The following ITPR2 variants were observed in gnomAD, a reference collection of about 807,000 sequenced individuals.
The protein encoded by ITPR2 is inositol 1,4,5-trisphosphate receptor type 2, also known as inositol 1,4,5-trisphosphate-gated calcium channel ITPR2.
In ITPR2, 207 loss-of-function variants were observed where a neutral mutation model predicts 317.1. The observed-to-expected ratio is 0.65, with a 90% CI of 0.58 to 0.73. ITPR2 has a LOEUF of 0.73. Ranked by LOEUF, ITPR2 falls within the 30% of genes least tolerant of loss-of-function variation. The probability of loss-of-function intolerance (pLI) is 0.00; values close to 1 mark genes in which losing one functional copy is unlikely to be tolerated. For synonymous variants in ITPR2, 1,156 were observed against 1,149.1 expected, an observed-to-expected ratio of 1.01 and a Z score of -0.12; for missense variants, 2,613 against 3,284.0, an observed-to-expected ratio of 0.80 and a Z score of 4.99.
chr12:26,512,452 A>T (rs1405135957), intron 37 of ITPR2, among the ~76,000 whole-genome samples: 1 of 152,204 alleles, frequency 6.6e-6, no homozygotes, highest in Non-Finnish European at 1.5e-5. Context: ...CTAAGGCATA[A>T]GTGATTATTT....
At chr12:26,353,124 C>T (rs528092120) in intron 55 of ITPR2, among the ~76,000 whole-genome samples, 1 of 152,264 alleles carries the variant, frequency 6.6e-6, no homozygotes, top group African/African-American at 2.4e-5. Flanking sequence ...TGAAGGTCTC[C>T]TAATACAACA....
intron 51 of ITPR2, among the ~76,000 whole-genome samples, chr12:26,414,249 T>C (rs1940650674): frequency 6.6e-6 from 1 of 152,156 alleles, no homozygotes; most frequent in South Asian, 2.1e-4. Context: ...TAACTTCCAG[T>C]CCACATATAT....
chr12:26,439,391 A>T, intron 46 of ITPR2, 72 bp from the exon 47 acceptor site: 1 of 1,102,588 alleles, frequency 9.1e-7, no homozygotes, highest in Non-Finnish European at 1.3e-6. Flanking sequence ...TGTTTTTAAC[A>T]TGAGTTTACT....
At position 26,608,786 on chromosome 12, in the gene ITPR2, T is replaced by TA. The variant is rs34171335; in HGVS notation, c.3463-6081dup. ...TTGACACTAAAGTTTACTTTTAAAT[T>TA]AAAAAAAAAAAAAAAAAACACATCA... On this transcript the variant is annotated intron_variant, in intron 26 of 56. Coordinates refer to ENST00000381340, the MANE Select transcript of ITPR2 (RefSeq NM_002223.4). Among the ~76,000 whole-genome samples, 256 of 100,322 alleles carry TA rather than the reference T, an allele frequency of 2.6e-3. 1 individual carries two copies. Among genetic ancestry groups the TA allele is most frequent in the African/African-American group, 3.9e-3 (104 of 26,410 alleles). The allele number at this position is 100,322 out of a possible 152,430, so 65.8% of individuals were successfully genotyped here.
intron 48 of ITPR2, among the ~76,000 whole-genome samples, chr12:26,430,064 G>A (rs1227829606): frequency 6.6e-6 from 1 of 152,152 alleles, no homozygotes; most frequent in Admixed American, 6.5e-5. Context: ...TGATCCCTTT[G>A]TGAAAAGAAC....
intron 37 of ITPR2, among the ~76,000 whole-genome samples, chr12:26,548,090 A>C (rs1254751588): frequency 6.6e-6 from 1 of 152,206 alleles, no homozygotes; most frequent in Non-Finnish European, 1.5e-5. Context: ...CTTGGACTAA[A>C]TTTCCAGATA....
chr12:26,573,922 G>A (rs758264345), intron 34 of ITPR2, among the ~76,000 whole-genome samples: 1 of 152,182 alleles, frequency 6.6e-6, no homozygotes, highest in Non-Finnish European at 1.5e-5. Context: ...CAACTGTGCA[G>A]GCAGTGGATT....
chr12:26,415,416 G>A lies in ITPR2; in HGVS notation c.7193C>T (p.Thr2398Ile). The change falls in exon 51 of 57, where the codon ACT (threonine) becomes ATT (isoleucine). Residue 2398 changes from threonine to isoleucine, a missense_variant. Transcript: ENST00000381340. Reference protein sequence around the residue: ...VTRNGRSIILTAVLALILVYL... With the variant: ...VTRNGRSIILIAVLALILVYL... ...GACGAGGATGAGAGCCAGGACTGCAGTTAGAATAATAGAGCGGCCATTTCG... is the reference window on the plus strand; with the variant it reads ...GACGAGGATGAGAGCCAGGACTGCAATTAGAATAATAGAGCGGCCATTTCG... 6.2e-7 allele frequency: 1 copy of A among 1,612,872 alleles called. No individual in the cohort carries two copies. Among genetic ancestry groups the A allele is most frequent in the South Asian group, 1.1e-5 (1 of 90,950 alleles).
At chr12:26,670,894 T>C (rs1253600606) in intron 13 of ITPR2, among the ~76,000 whole-genome samples, 11 of 152,144 alleles carry the variant, frequency 7.2e-5, no homozygotes, top group African/African-American at 2.4e-4. Context: ...GAGAACTACC[T>C]GAAGAATGCA....
chr12:26,555,835 A>G (rs965407946), intron 36 of ITPR2, among the ~76,000 whole-genome samples: 6 of 152,238 alleles, frequency 3.9e-5, no homozygotes, highest in South Asian at 4.1e-4. Flanking sequence ...AGTTAAACAC[A>G]TATGACAATA....
intron 37 of ITPR2, among the ~76,000 whole-genome samples, chr12:26,497,134 A>G (rs1222194780): frequency 6.7e-6 from 1 of 149,478 alleles, no homozygotes; most frequent in East Asian, 2.0e-4. Context: ...ACCAAATTGA[A>G]CCATGTGATC....
chr12:26,394,079 C>A (rs1394662139), intron 54 of ITPR2, among the ~76,000 whole-genome samples: 2 of 152,186 alleles, frequency 1.3e-5, no homozygotes, highest in Non-Finnish European at 2.9e-5. Context: ...GGCAGACCCT[C>A]AGTTAAGCCT....
Position 26,595,465 on chromosome 12 carries a change from C to T in ITPR2, c.4380G>A (p.Arg1460=). 1 of 1,602,900 alleles carries T rather than the reference C, an allele frequency of 6.2e-7. No individual in the cohort carries two copies. Among genetic ancestry groups the T allele is most frequent in the Non-Finnish European group, 8.5e-7 (1 of 1,176,638 alleles). ...CTTCAGTAGTCAAAATCTAACTTACCCTTGCCATATCCACCAAGAAGTTCT... is the reference window on the plus strand; with the variant it reads ...CTTCAGTAGTCAAAATCTAACTTACTCTTGCCATATCCACCAAGAAGTTCT... ...LFENFLVDMA[R]VCNTTTDRKH... is the part of the protein sequence containing the mutation. The change falls in exon 32 of 57, where the codon AGG becomes AGA. Residue 1460 remains arginine (R), a splice_region_variant and synonymous_variant. Coordinates refer to ENST00000381340, the MANE Select transcript of ITPR2 (RefSeq NM_002223.4).
At chr12:26,358,740 C>T (rs892037113) in intron 55 of ITPR2, among the ~76,000 whole-genome samples, 1 of 152,114 alleles carries the variant, frequency 6.6e-6, no homozygotes, top group Non-Finnish European at 1.5e-5. Flanking sequence ...TTTCCTAGCC[C>T]AGGGGGCCTT....
intron 24 of ITPR2, 72 bp downstream of exon 24, chr12:26,624,227 T>C: frequency 9.8e-7 from 1 of 1,020,406 alleles, no homozygotes; most frequent in East Asian, 2.4e-5. Context: ...GTGAACAATA[T>C]CAAAGTATCA....
At chr12:26,818,817 G>A (rs1048918763) in intron 1 of ITPR2, among the ~76,000 whole-genome samples, 1 of 152,072 alleles carries the variant, frequency 6.6e-6, no homozygotes, top group Non-Finnish European at 1.5e-5. Flanking sequence ...TTATGTCCCC[G>A]ATATTAGCAA....
At chr12:26,467,806 GAGAGGTCATTTAAAT>G (rs1474252879) in intron 45 of ITPR2, among the ~76,000 whole-genome samples, 60 of 152,178 alleles carry the variant, frequency 3.9e-4, no homozygotes, top group Middle Eastern at 3.4e-3. Flanking sequence ...CCATCAATTT[GAGAGGTCATTTAAAT>G]GGCCATAACC....
At chr12:26,778,829 T>C in intron 2 of ITPR2, among the ~76,000 whole-genome samples, 1 of 152,120 alleles carries the variant, frequency 6.6e-6, no homozygotes. Flanking sequence ...ACCTTCTACC[T>C]CAGTAAAATT....
chr12:26,385,816 C>T (rs1419087988), intron 55 of ITPR2, among the ~76,000 whole-genome samples: 1 of 151,944 alleles, frequency 6.6e-6, no homozygotes, highest in East Asian at 1.9e-4. Context: ...CCCATCAATT[C>T]CTTTCACCTG....
Sources: allele counts gnomAD v4.1 joint callset (sites outside exome capture counted in the v4.1 genomes callset), GRCh38; gene constraint gnomAD v4.1.1; transcripts MANE v1.5; gene names NCBI Gene and HGNC (gene_info 2026-07-23, HGNC 2026-07-21).